FHIP1A: variants seen among roughly 807,000 people sequenced by gnomAD.
The protein encoded by FHIP1A is FHF complex subunit HOOK interacting protein 1A.
A neutral mutation model predicts 88.6 loss-of-function variants in FHIP1A; 61 were observed. The observed-to-expected ratio is 0.69, with a 90% CI of 0.56 to 0.85. The LOEUF is 0.85. Among genes scored for constraint, FHIP1A ranks in the 40% least tolerant of loss-of-function variants. The pLI is 0.00. For missense variants in FHIP1A, 1,154 were observed against 1,273.5 expected (o/e 0.91, Z 1.43); for synonymous variants, 478 against 496.0 (o/e 0.96, Z 0.48).
Position 151,586,728 on chromosome 4 carries a change from G to A in FHIP1A, c.820G>A (p.Asp274Asn). The A allele has an allele frequency of 6.4e-7, 1 of 1,551,464 alleles. No individual in the cohort carries two copies. Among genetic ancestry groups the A allele is most frequent in the Non-Finnish European group, 8.7e-7 (1 of 1,146,822 alleles). The part of the protein sequence containing the change: ...KGEEWHCLLK[D>N]DWLLLPSLVQ... Reference sequence around the variant, plus strand: ...CGAGGAATGGCACTGCCTTCTGAAAGATGACTGGCTTCTACTTCCTTCTCT... The same window carrying A: ...CGAGGAATGGCACTGCCTTCTGAAAAATGACTGGCTTCTACTTCCTTCTCT... Residue 274 changes from aspartate (D) to asparagine (N), a missense_variant, in exon 6 of 14, where the codon GAT becomes AAT. Physicochemically the swap from Asp to Asn is conservative, Grantham distance 23 (BLOSUM62 1). Coordinates refer to ENST00000435205, the MANE Select transcript of FHIP1A (RefSeq NM_001109977.3).
At chr4:151,502,319 A>AAAAC (rs70941501) in intron 3 of FHIP1A, among the ~76,000 whole-genome samples, 2,051 of 149,566 alleles carry the variant, frequency 0.014, 23 homozygotes, top group East Asian at 0.028. Flanking sequence ...CCCATCTCAA[A>AAAAC]AAACAAACAA....
At chr4:151,654,072 GTTT>G (rs758206414) in intron 11 of FHIP1A, among the ~76,000 whole-genome samples, 2 of 139,874 alleles carry the variant, frequency 1.4e-5, no homozygotes, top group African/African-American at 2.6e-5. Context: ...GTTAAGCAGG[GTTT>G]TTTTTTTTTT....
chr4:151,466,691 T>A (rs1219020855), intron 2 of FHIP1A, among the ~76,000 whole-genome samples: 1 of 152,104 alleles, frequency 6.6e-6, no homozygotes, highest in African/African-American at 2.4e-5. Flanking sequence ...TCTACAACAA[T>A]CTGATCTTTG....
In FHIP1A at chr4:151,649,559, G is replaced by A. The variant is rs1290237025; in HGVS notation, c.1518G>A (p.Glu506=). 2.0e-5 allele frequency: 31 copies of A among 1,551,606 alleles called. No individual in the cohort carries two copies. Among genetic ancestry groups the A allele is most frequent in the Non-Finnish European group, 2.5e-5 (29 of 1,146,882 alleles). The change falls in exon 11 of 14, where the codon GAG becomes GAA. Residue 506 remains glutamate, a synonymous_variant. Transcript: ENST00000435205. ...LDISYLQYLW[E]AHTNILRCMR... is the part of the protein sequence containing the mutation. ...TCAGCTACCTGCAGTACCTGTGGGAGGCCCACACCAACATCCTCCGCTGCA... is the reference window on the plus strand; with the variant it reads ...TCAGCTACCTGCAGTACCTGTGGGAAGCCCACACCAACATCCTCCGCTGCA...
rs564426208 is a variant in FHIP1A at position 151,481,386 on chromosome 4, A to G, written c.-247-1138A>G. On this transcript the variant is annotated intron_variant, in intron 2 of 13. Coordinates refer to ENST00000435205, the MANE Select transcript of FHIP1A (RefSeq NM_001109977.3). ...ATTTATATATACATATTATGGAATG[A>G]AAAGTTTTTAATGGCCAACAGAATT... Among the ~76,000 whole-genome samples, 18 of 152,178 alleles carry G rather than the reference A, an allele frequency of 1.2e-4. No individual in the cohort carries two copies. In the South Asian group the frequency reaches 3.5e-3, roughly 30 times the overall value.
At chr4:151,480,237 A>G (rs927052014) in intron 2 of FHIP1A, among the ~76,000 whole-genome samples, 1 of 152,040 alleles carries the variant, frequency 6.6e-6, no homozygotes, top group South Asian at 2.1e-4. Context: ...CGGGATCATG[A>G]TGGTAAAATA....
intron 8 of FHIP1A, among the ~76,000 whole-genome samples, chr4:151,635,653 C>T (rs1234895470): frequency 6.6e-6 from 1 of 151,728 alleles, no homozygotes; most frequent in East Asian, 1.9e-4. Context: ...CTGTAGGATT[C>T]CACTCATGTA....
intron 3 of FHIP1A, among the ~76,000 whole-genome samples, chr4:151,490,728 G>A (rs1281394854): frequency 4.0e-5 from 5 of 125,648 alleles, no homozygotes; most frequent in Non-Finnish European, 7.0e-5. Context: ...GGTGAAAACC[G>A]ACTTAAAGAA....
At position 151,429,848 on chromosome 4, in the gene FHIP1A, CAAAA is replaced by C. The variant is rs34699507; in HGVS notation, c.-356+20403_-356+20406del. Among the ~76,000 whole-genome samples the C allele has an allele frequency of 9.7e-4, 102 of 105,554 alleles. 1 individual carries two copies. The highest frequency in any genetic ancestry group is 5.2e-4 in the African/African-American group (15 of 28,932). 69.2% of individuals were successfully genotyped at this position (105,554 alleles called of 152,430 possible). ...TGGGCGACAGAGTGAGACTCTATCT[CAAAA>C]AAAAAAAAAAAAAAAAAAATCAGTT... On this transcript the variant is annotated intron_variant, in intron 1 of 13. Coordinates refer to ENST00000435205, the MANE Select transcript of FHIP1A (RefSeq NM_001109977.3).
intron 1 of FHIP1A, among the ~76,000 whole-genome samples, chr4:151,426,795 A>G (rs1452056498): frequency 2.0e-5 from 3 of 152,160 alleles, no homozygotes; most frequent in African/African-American, 7.2e-5. Flanking sequence ...TTGTTTAGGT[A>G]GCCTTACGGT....
chr4:151,657,313 G>A (rs1175986390), intron 13 of FHIP1A, among the ~76,000 whole-genome samples: 2 of 152,084 alleles, frequency 1.3e-5, no homozygotes, highest in African/African-American at 4.8e-5. Context: ...AGAGGCTCTT[G>A]GGCCAAAAAT....
chr4:151,630,482 G>A (rs747176748), intron 8 of FHIP1A, among the ~76,000 whole-genome samples: 42 of 152,024 alleles, frequency 2.8e-4, no homozygotes, highest in Non-Finnish European at 5.4e-4. Context: ...GCACAAAGGG[G>A]GGAAGAGGGA....
At chr4:151,426,241 A>G (rs769996874) in intron 1 of FHIP1A, among the ~76,000 whole-genome samples, 18 of 152,124 alleles carry the variant, frequency 1.2e-4, no homozygotes, top group Non-Finnish European at 1.3e-4. Context: ...AAATTTCCAT[A>G]ATAAAAAACA....
At chr4:151,658,698 G>T (rs1336638632) in intron 13 of FHIP1A, among the ~76,000 whole-genome samples, 1 of 152,198 alleles carries the variant, frequency 6.6e-6, no homozygotes, top group Non-Finnish European at 1.5e-5. Context: ...GCAACAAGTT[G>T]TGGGCATTCT....
chr4:151,455,033 C>A (rs1728920502), intron 2 of FHIP1A, among the ~76,000 whole-genome samples: 1 of 152,060 alleles, frequency 6.6e-6, no homozygotes, highest in South Asian at 2.1e-4. Flanking sequence ...AACCCTTCCC[C>A]ACATTTTGCC....
rs1315642312 is a variant in FHIP1A at position 151,588,988 on chromosome 4, G to A, written c.978+62G>A. On this transcript the variant is annotated intron_variant, in intron 7 of 13. Coordinates refer to ENST00000435205, the MANE Select transcript of FHIP1A (RefSeq NM_001109977.3). The stretch of plus-strand genomic sequence containing the variant: ...ATACAAGTGATGGACACTGAGGAGG[G>A]TAAACACAGTGTAATTGATTTGATG... 23 of 1,064,176 alleles carry A rather than the reference G, an allele frequency of 2.2e-5. 1 individual carries two copies. The highest frequency in any genetic ancestry group is 4.2e-5 in the Admixed American group (2 of 47,496). 65.9% of individuals were successfully genotyped at this position (1,064,176 alleles called of 1,614,324 possible).
chr4:151,573,903 T>TG (rs1200854827), intron 4 of FHIP1A, among the ~76,000 whole-genome samples: 1 of 152,220 alleles, frequency 6.6e-6, no homozygotes, highest in Non-Finnish European at 1.5e-5. Flanking sequence ...GAAAGAACTA[T>TG]GACACTATTG....
At chr4:151,422,850 T>G (rs1341283291) in intron 1 of FHIP1A, among the ~76,000 whole-genome samples, 1 of 152,350 alleles carries the variant, frequency 6.6e-6, no homozygotes, top group African/African-American at 2.4e-5. Flanking sequence ...ATCTGAATGA[T>G]GCTGATTGTG....
intron 3 of FHIP1A, among the ~76,000 whole-genome samples, chr4:151,484,362 G>A (rs1730003677): frequency 6.6e-6 from 1 of 152,148 alleles, no homozygotes; most frequent in Non-Finnish European, 1.5e-5. Flanking sequence ...ACCAAATATT[G>A]TTGCCTTAGA....
Sources: allele counts gnomAD v4.1 joint callset (sites outside exome capture counted in the v4.1 genomes callset), GRCh38; gene constraint gnomAD v4.1.1; transcripts MANE v1.5; gene names NCBI Gene and HGNC (gene_info 2026-07-23, HGNC 2026-07-21).